CPNE8: variants seen among roughly 807,000 people sequenced by gnomAD.
CPNE8 encodes the protein copine-8.
A neutral mutation model predicts 81.5 loss-of-function variants in CPNE8; 45 were observed. The observed-to-expected ratio is 0.55, with a 90% CI of 0.44 to 0.71. The LOEUF is 0.71. Among genes scored for constraint, CPNE8 ranks in the 30% least tolerant of loss-of-function variants. The pLI is 0.00. For synonymous variants in CPNE8, 252 were observed against 226.3 expected (o/e 1.11, Z -1.02); for missense variants, 594 against 672.1 (o/e 0.88, Z 1.28).
intron 6 of CPNE8, among the ~76,000 whole-genome samples, chr12:38,791,292 G>C (rs1299147220): frequency 2.0e-5 from 3 of 151,218 alleles, no homozygotes; most frequent in African/African-American, 7.3e-5. Context: ...TCTCATCTCA[G>C]GTATTTCTTC....
At chr12:38,716,448 G>T (rs1280097285) in intron 13 of CPNE8, among the ~76,000 whole-genome samples, 3 of 151,994 alleles carry the variant, frequency 2.0e-5, no homozygotes, top group Non-Finnish European at 4.4e-5. Flanking sequence ...TAAAATGTAG[G>T]CACATAGATC....
At chr12:38,856,760 A>G (rs940553976) in intron 3 of CPNE8, among the ~76,000 whole-genome samples, 1 of 152,206 alleles carries the variant, frequency 6.6e-6, no homozygotes, top group Admixed American at 6.5e-5. Context: ...ACTGATCACC[A>G]CATTTAAAAC....
At chr12:38,821,625 T>C (rs1049490330) in intron 6 of CPNE8, among the ~76,000 whole-genome samples, 5 of 152,204 alleles carry the variant, frequency 3.3e-5, no homozygotes, top group Non-Finnish European at 7.4e-5. Flanking sequence ...AAAAAACTCA[T>C]TCATTTTACC....
upstream of CPNE8, chr12:38,906,517 G>T (rs1008103992): frequency 6.1e-6 from 6 of 985,830 alleles, no homozygotes; most frequent in African/African-American, 1.0e-4. Context: ...AATGGGGGCC[G>T]GGGAGGGTGA....
At chr12:38,663,065 A>G (rs1487394644) in intron 19 of CPNE8, among the ~76,000 whole-genome samples, 1 of 152,090 alleles carries the variant, frequency 6.6e-6, no homozygotes, top group Non-Finnish European at 1.5e-5. Flanking sequence ...GAAATGCATC[A>G]GGACATGAGT....
intron 6 of CPNE8, among the ~76,000 whole-genome samples, chr12:38,807,135 A>C (rs1249608805): frequency 6.6e-6 from 1 of 152,046 alleles, no homozygotes; most frequent in Admixed American, 6.6e-5. Context: ...TTCCATGCTC[A>C]TGGGTAGGAA....
intron 10 of CPNE8, among the ~76,000 whole-genome samples, chr12:38,751,803 C>G (rs1359026058): frequency 6.6e-6 from 1 of 152,102 alleles, no homozygotes; most frequent in African/African-American, 2.4e-5. Context: ...TCCAGAGCTT[C>G]CTATTTTGTC....
chr12:38,835,926 T>C (rs186889521), intron 5 of CPNE8, among the ~76,000 whole-genome samples: 42 of 152,318 alleles, frequency 2.8e-4, no homozygotes, highest in African/African-American at 9.9e-4. Flanking sequence ...AAATGTATTT[T>C]GGATTGCCTT....
At chr12:38,897,186 C>A (rs1331124433) in intron 1 of CPNE8, among the ~76,000 whole-genome samples, 1 of 152,096 alleles carries the variant, frequency 6.6e-6, no homozygotes. Flanking sequence ...TCTCATTAAT[C>A]TCTAAATGCA....
chr12:38,847,035 A>G (rs1943569254), intron 4 of CPNE8, among the ~76,000 whole-genome samples: 1 of 152,096 alleles, frequency 6.6e-6, no homozygotes, highest in Admixed American at 6.6e-5. Context: ...CTGTATGCAT[A>G]TGTGTATGCT....
intron 4 of CPNE8, among the ~76,000 whole-genome samples, chr12:38,840,764 A>G (rs1943456708): frequency 6.6e-6 from 1 of 152,166 alleles, no homozygotes; most frequent in Non-Finnish European, 1.5e-5. Context: ...TCTGGTTTTG[A>G]CCAGTTGGTA....
chr12:38,753,417 A>C (rs146817566), intron 10 of CPNE8, among the ~76,000 whole-genome samples: 1,970 of 152,270 alleles, frequency 0.013, 28 homozygotes, highest in South Asian at 0.042. Context: ...ACACCACTAC[A>C]CTCCAGCCTG....
At position 38,835,269 on chromosome 12, in the gene CPNE8, CCTT is replaced by C. The variant is rs1167410709; in HGVS notation, c.330+4644_330+4646del. Among the ~76,000 whole-genome samples the C allele has an allele frequency of 5.3e-5, 8 of 152,214 alleles. No individual in the cohort carries two copies. In the East Asian group the frequency reaches 5.8e-4, roughly 11 times the overall value. On this transcript the variant is annotated intron_variant, in intron 5 of 19. Coordinates refer to ENST00000331366, the MANE Select transcript of CPNE8 (RefSeq NM_153634.3). ...TCTCCTAGATTTTCAATCATTCCCT[CCTT>C]CTCCTCAGTAAATATACACCCAAGG...
At chr12:38,855,208 T>TA (rs917582693) in intron 3 of CPNE8, among the ~76,000 whole-genome samples, 26 of 150,374 alleles carry the variant, frequency 1.7e-4, no homozygotes, top group Admixed American at 4.6e-4. Flanking sequence ...ATCTATATAA[T>TA]AAAAAAAAAC....
chr12:38,760,765 A>T, intron 10 of CPNE8, 82 bp downstream of exon 10: 1 of 1,075,420 alleles, frequency 9.3e-7, no homozygotes, highest in Non-Finnish European at 1.4e-6. Flanking sequence ...TAAAAATTAC[A>T]ATTTAAAAAT....
intron 13 of CPNE8, among the ~76,000 whole-genome samples, chr12:38,704,204 A>C (rs1441017983): frequency 6.6e-6 from 1 of 152,176 alleles, no homozygotes; most frequent in Non-Finnish European, 1.5e-5. Flanking sequence ...CCTCAGCATC[A>C]CACAATATAT....
At position 38,706,211 on chromosome 12, in the gene CPNE8, C is replaced by T. The variant is rs143302148; in HGVS notation, c.915-3290G>A. ...TATGGATTATATTATTAATATTATG[C>T]CATAATCCTAGAAAAAAACTAAACA... On this transcript the variant is annotated intron_variant, in intron 13 of 19. Coordinates refer to ENST00000331366, the MANE Select transcript of CPNE8 (RefSeq NM_153634.3). Among the ~76,000 whole-genome samples the T allele has an allele frequency of 9.3e-3, 1,417 of 151,982 alleles. 38 individuals are homozygous for T. The highest frequency in any genetic ancestry group is 9.1e-3 in the Non-Finnish European group (620 of 67,938).
intron 6 of CPNE8, among the ~76,000 whole-genome samples, chr12:38,824,466 C>T (rs754343689): frequency 1.3e-5 from 2 of 151,918 alleles, no homozygotes; most frequent in Non-Finnish European, 2.9e-5. Flanking sequence ...TTTAAAAAGA[C>T]TATCTCTGAG....
chr12:38,808,286 A>C (rs1184460081), intron 6 of CPNE8, among the ~76,000 whole-genome samples: 1 of 152,142 alleles, frequency 6.6e-6, no homozygotes, highest in African/African-American at 2.4e-5. Flanking sequence ...TCATGCTGCT[A>C]TAAAGACACA....
Sources: gnomAD v4.1 joint callset for allele counts (sites outside exome capture counted in the v4.1 genomes callset) on GRCh38, gnomAD v4.1.1 for gene constraint, MANE v1.5 for transcripts, NCBI Gene and HGNC (gene_info 2026-07-23, HGNC 2026-07-21) for gene names.